Variants in PTPRD observed in about 807,000 individuals in gnomAD.
PTPRD encodes the protein protein tyrosine phosphatase receptor type D, also known as receptor-type tyrosine-protein phosphatase delta.
PTPRD carries 34 observed loss-of-function variants against 214.5 expected under a neutral mutation model. The observed-to-expected ratio is 0.16, with a 90% CI of 0.12 to 0.21. PTPRD has a LOEUF of 0.21. Ranked by LOEUF, PTPRD falls within the 10% of genes least tolerant of loss-of-function variation. The pLI, the probability that PTPRD is intolerant of heterozygous loss-of-function variation, is 1.00. For missense variants in PTPRD, 2,545 were observed against 2,398.7 expected (o/e 1.06, Z -1.27); for synonymous variants, 1,128 against 845.7 (o/e 1.33, Z -5.79).
At chr9:9,290,123 A>T (rs1423091864) in intron 9 of PTPRD, among the ~76,000 whole-genome samples, 1 of 151,584 alleles carries the variant, frequency 6.6e-6, no homozygotes, top group Admixed American at 6.6e-5. Context: ...AACACTTGTT[A>T]CCTCTTGTCT....
At chr9:9,652,855 C>A (rs890207393) in intron 7 of PTPRD, among the ~76,000 whole-genome samples, 5 of 151,948 alleles carry the variant, frequency 3.3e-5, no homozygotes, top group South Asian at 2.1e-4. Flanking sequence ...CTCAGGTGAT[C>A]CACCTGCCTC....
At chr9:8,559,076 ATTG>A (rs2085131060) in intron 14 of PTPRD, among the ~76,000 whole-genome samples, 1 of 152,170 alleles carries the variant, frequency 6.6e-6, no homozygotes, top group African/African-American at 2.4e-5. Flanking sequence ...TTTATGCCAA[ATTG>A]TTTTTATTCT....
Position 9,850,913 on chromosome 9 carries a change from T to C in PTPRD, c.-367-84062A>G, listed in dbSNP as rs73400619. Among the ~76,000 whole-genome samples the C allele has an allele frequency of 9.5e-3, 1,439 of 152,270 alleles. 24 individuals are homozygous for C. Among genetic ancestry groups the C allele is most frequent in the African/African-American group, 0.032 (1,342 of 41,554 alleles). ...TGACCTTTTCTTGACTAAGGAGAGA[T>C]TTAATCTTAAGCAAAAGGCTTTGGA... On this transcript the variant is annotated intron_variant, in intron 5 of 45. Transcript: ENST00000381196.
intron 9 of PTPRD, among the ~76,000 whole-genome samples, chr9:9,301,536 T>G (rs573702635): frequency 3.3e-5 from 5 of 151,988 alleles, no homozygotes; most frequent in Admixed American, 3.3e-4. Context: ...TAATTCACAT[T>G]TACCTGTGTT....
chr9:10,208,472 C>A (rs1307504320), intron 3 of PTPRD, among the ~76,000 whole-genome samples: 1 of 152,202 alleles, frequency 6.6e-6, no homozygotes, highest in African/African-American at 2.4e-5. Context: ...GGAGATCGCG[C>A]CACTGCACTC....
chr9:9,590,413 T>A (rs1025121916), intron 7 of PTPRD, among the ~76,000 whole-genome samples: 63 of 152,002 alleles, frequency 4.1e-4, no homozygotes, highest in African/African-American at 1.4e-3. Context: ...AAAATGAAGG[T>A]TAGAAACACT....
chr9:8,480,011 TGGCA>T (rs2096846684), intron 30 of PTPRD, among the ~76,000 whole-genome samples: 2 of 152,348 alleles, frequency 1.3e-5, no homozygotes, highest in South Asian at 4.1e-4. Flanking sequence ...TCACAATACC[TGGCA>T]GTACTCACCC....
intron 3 of PTPRD, among the ~76,000 whole-genome samples, chr9:10,338,803 T>C (rs1456503802): frequency 6.6e-6 from 1 of 151,732 alleles, no homozygotes; most frequent in Non-Finnish European, 1.5e-5. Flanking sequence ...AAAATACATA[T>C]TTTTCTCTAA....
chr9:10,457,623 A>C (rs73390359), intron 2 of PTPRD, among the ~76,000 whole-genome samples: 3,290 of 152,128 alleles, frequency 0.022, 101 homozygotes, highest in African/African-American at 0.067. Flanking sequence ...TACTGGATCA[A>C]AGAGACAGTG....
At chr9:10,522,414 G>C (rs1270554407) in intron 2 of PTPRD, among the ~76,000 whole-genome samples, 1 of 152,114 alleles carries the variant, frequency 6.6e-6, no homozygotes, top group African/African-American at 2.4e-5. Flanking sequence ...TCTATTAAAG[G>C]CTGAGAAAGC....
chr9:9,094,384 C>A (rs1019293159), intron 10 of PTPRD, among the ~76,000 whole-genome samples: 38 of 152,136 alleles, frequency 2.5e-4, no homozygotes, highest in African/African-American at 9.2e-4. Context: ...TTGGATGGAG[C>A]TGGAGATGAT....
intron 8 of PTPRD, among the ~76,000 whole-genome samples, chr9:9,418,545 G>A (rs763676741): frequency 5.9e-5 from 9 of 151,984 alleles, no homozygotes; most frequent in Non-Finnish European, 4.4e-5. Flanking sequence ...TTTTGAAAGC[G>A]ACCTAGCTAT....
At chr9:9,906,929 T>C (rs890019633) in intron 5 of PTPRD, among the ~76,000 whole-genome samples, 3 of 151,942 alleles carry the variant, frequency 2.0e-5, no homozygotes, top group African/African-American at 7.2e-5. Context: ...GTTTGTGGCC[T>C]CCAAGATTTC....
intron 12 of PTPRD, among the ~76,000 whole-genome samples, chr9:8,698,457 A>G (rs943462250): frequency 2.0e-5 from 3 of 152,230 alleles, no homozygotes; most frequent in Non-Finnish European, 4.4e-5. Context: ...CCTATGATTC[A>G]TGTTACAAAT....
chr9:10,293,093 A>T (rs566271190), intron 3 of PTPRD, among the ~76,000 whole-genome samples: 26 of 152,048 alleles, frequency 1.7e-4, no homozygotes, highest in Middle Eastern at 3.4e-3. Context: ...TAAATATTAT[A>T]ATTTCAGTAG....
intron 11 of PTPRD, among the ~76,000 whole-genome samples, chr9:8,741,504 G>A (rs2091909473): frequency 1.4e-5 from 2 of 146,162 alleles, no homozygotes; most frequent in African/African-American, 5.1e-5. Context: ...AGATAGATAT[G>A]CAATCCAGCC....
At chr9:9,630,162 CT>C (rs1022317059) in intron 7 of PTPRD, among the ~76,000 whole-genome samples, 3 of 152,180 alleles carry the variant, frequency 2.0e-5, no homozygotes, top group African/African-American at 7.2e-5. Context: ...CTGGCCAGGT[CT>C]TTTACAGGAC....
At chr9:10,363,069 A>C (rs1052679597) in intron 2 of PTPRD, among the ~76,000 whole-genome samples, 11 of 152,174 alleles carry the variant, frequency 7.2e-5, no homozygotes, top group African/African-American at 2.7e-4. Context: ...TTCTTTGTTT[A>C]GTTTTGATTC....
intron 9 of PTPRD, among the ~76,000 whole-genome samples, chr9:9,366,887 T>A (rs891722469): frequency 2.0e-5 from 3 of 151,592 alleles, no homozygotes; most frequent in Non-Finnish European, 4.4e-5. Context: ...ACTGACTTTT[T>A]TTTTCTACTT....
Sources: gnomAD v4.1 joint callset for allele counts (sites outside exome capture counted in the v4.1 genomes callset) on GRCh38, gnomAD v4.1.1 for gene constraint, MANE v1.5 for transcripts, NCBI Gene and HGNC (gene_info 2026-07-23, HGNC 2026-07-21) for gene names.